TUBB8B: variants seen among roughly 807,000 people sequenced by gnomAD.
TUBB8B encodes the protein HSA18p11 beta-tubulin 4Q pseudogene.
TUBB8B carries 26 observed loss-of-function variants against 31.9 expected under a neutral mutation model. The ratio of observed to expected loss-of-function variants is 0.81; its 90% CI spans 0.60 to 1.13. TUBB8B has a LOEUF of 1.13. TUBB8B is among the 50% of genes most tolerant of loss of function. The probability of loss-of-function intolerance (pLI) is 0.00; values close to 1 mark genes in which losing one functional copy is unlikely to be tolerated. For synonymous variants in TUBB8B, 173 were observed against 231.0 expected (o/e 0.75, Z 2.28); for missense variants, 467 against 586.7 (o/e 0.80, Z 2.11).
the TUBB8B span, among the ~76,000 whole-genome samples, chr18:71,025 A>C: frequency 5.3e-5 from 8 of 152,018 alleles, no homozygotes; most frequent in Admixed American, 5.2e-4. Flanking sequence ...ACGTGTAAGA[A>C]TCACTTGAGC....
At chr18:63,728 C>G in the TUBB8B span, among the ~76,000 whole-genome samples, 1 of 144,524 alleles carries the variant, frequency 6.9e-6, no homozygotes, top group Non-Finnish European at 1.5e-5. Flanking sequence ...ACCCTAACCC[C>G]TAACCCTAAC....
At chr18:51,137 A>G (rs1314120277), upstream of TUBB8B, among the ~76,000 whole-genome samples, 2 of 151,714 alleles carry the variant, frequency 1.3e-5, no homozygotes, top group Non-Finnish European at 2.9e-5. Flanking sequence ...ATCTTGTGCT[A>G]ATAATAGCAT....
Position 47,836 on chromosome 18 carries a change from T to C in TUBB8B, c.889A>G (p.Lys297Glu). ...AELTQQMFDA[K>E]NMMAACDPRH... ...GGGTCACAGGCAGCCATCATGTTCT[T>C]AGCATCAAACATCTGCTGGGTGAGC... The change falls in exon 4 of 4, where the codon AAG becomes GAG. Residue 297 changes from lysine to glutamate, a missense_variant. Physicochemically the swap from Lys to Glu is moderately conservative, Grantham distance 56 (BLOSUM62 1). This residue lies in a region of TUBB8B where 208 missense variants were observed against 206.7 expected (regional missense o/e 1.01). Transcript: ENST00000308911. The C allele has an allele frequency of 1.2e-6, 2 of 1,611,486 alleles. No homozygotes were observed. Among genetic ancestry groups the C allele is most frequent in the Non-Finnish European group, 1.7e-6 (2 of 1,179,570 alleles).
At chr18:71,569 T>TAAA in the TUBB8B span, among the ~76,000 whole-genome samples, 5,754 of 57,428 alleles carry the variant, frequency 0.1, 568 homozygotes, top group East Asian at 0.39. Flanking sequence ...AAAAAAAATT[T>TAAA]AAAAAAAAAA....
chr18:58,840 C>T, the TUBB8B span, among the ~76,000 whole-genome samples: 5 of 151,830 alleles, frequency 3.3e-5, no homozygotes, highest in East Asian at 7.7e-4. Flanking sequence ...GTTTAAGTGG[C>T]TCATGATTCT....
the TUBB8B span, among the ~76,000 whole-genome samples, chr18:71,244 AATC>A: frequency 6.6e-6 from 1 of 151,254 alleles, no homozygotes. Flanking sequence ...AAAAAAAAAA[AATC>A]AATCAATAAA....
At position 48,045 on chromosome 18, in the gene TUBB8B, T is replaced by G; in HGVS notation, c.680A>C (p.His227Pro). The G allele has an allele frequency of 6.2e-7, 1 of 1,613,156 alleles. No homozygotes were observed. Among genetic ancestry groups the G allele is most frequent in the Non-Finnish European group, 8.5e-7 (1 of 1,179,870 alleles). Residue 227 changes from histidine to proline, a missense_variant, in exon 4 of 4, where the codon CAC becomes CCC. By Grantham distance (77) the His-to-Pro change is moderately conservative. Transcript: ENST00000308911. The part of the protein sequence containing the change: ...LPTPTYGDLN[H>P]LVSATMSGVT... ...CCCACTCATGGTAGCAGACACCAGG[T>G]GGTTCAGGTCACCATAGGTGGGTGT...
chr18:49,540 G>A lies in TUBB8B; in HGVS notation c.18C>T (p.Leu6=), dbSNP rs749469775. 6.9e-5 allele frequency: 63 copies of A among 916,262 alleles called. 3 individuals carry two copies. The highest frequency in any genetic ancestry group is 1.7e-6 in the Non-Finnish European group (1 of 591,438). The allele number at this position is 916,262 out of a possible 1,614,324, so 56.8% of individuals were successfully genotyped here. A position where few individuals can be genotyped will look rare whatever the true frequency, so the allele number is the denominator to read the frequency against. ...GGTTCCCGCACTGCCCGGTCTGCGT[G>A]AGCACGATTTCCCTCATGGCCAAGG... MREIV[L]TQTGQCGNQI... Residue 6 remains leucine, a synonymous_variant, in exon 1 of 4, where the codon CTC becomes CTT. Transcript: ENST00000308911.
chr18:54,931 C>A, the TUBB8B span, among the ~76,000 whole-genome samples: 4 of 151,906 alleles, frequency 2.6e-5, no homozygotes, highest in Non-Finnish European at 5.9e-5. Flanking sequence ...TGTGGAGCAC[C>A]TTTTCACTTG....
At chr18:71,590 A>C in the TUBB8B span, among the ~76,000 whole-genome samples, 1 of 145,076 alleles carries the variant, frequency 6.9e-6, no homozygotes, top group Non-Finnish European at 1.5e-5. Flanking sequence ...AAAAAAAAAA[A>C]AAAAAGCAGC....
At chr18:72,478 CTG>C in the TUBB8B span, among the ~76,000 whole-genome samples, 26,552 of 151,628 alleles carry the variant, frequency 0.18, 1,660 homozygotes, top group African/African-American at 0.26. Context: ...AAAAGAAAAA[CTG>C]TTGTTGACGA....
chr18:55,214 C>T, the TUBB8B span, among the ~76,000 whole-genome samples: 1 of 151,738 alleles, frequency 6.6e-6, no homozygotes, highest in Non-Finnish European at 1.5e-5. Context: ...CAATTCTCTG[C>T]CTCAGCCTCT....
Position 49,572 on chromosome 18 carries a change from T to C in TUBB8B, c.-15A>G, listed in dbSNP as rs1905975685. ...ATTTCCCTCATGGCCAAGGCAGGAT[T>C]AGGGCGGCAGCAGAAGCGCGAGAAG... On this transcript the variant is annotated 5_prime_UTR_variant, in exon 1 of 4. Transcript: ENST00000308911. 1.2e-6 allele frequency: 1 copy of C among 813,996 alleles called. No individual in the cohort carries two copies. 50.4% of individuals were successfully genotyped at this position (813,996 alleles called of 1,614,324 possible).
At chr18:48,601 G>A in intron 3 of TUBB8B, 154 bp from the exon 4 acceptor site, 1 of 711,232 alleles carries the variant, frequency 1.4e-6, no homozygotes, top group South Asian at 1.6e-5. Flanking sequence ...CAGAGTTACA[G>A]GACAGCAGCT....
chr18:62,947 T>C, the TUBB8B span, among the ~76,000 whole-genome samples: 1 of 151,900 alleles, frequency 6.6e-6, no homozygotes, highest in Non-Finnish European at 1.5e-5. Context: ...TTCAGTATGA[T>C]AATTGGATTT....
chr18:48,299 C>A lies in TUBB8B; in HGVS notation c.426G>T (p.Gly142=), dbSNP rs764932654. ...GFQLTHSLGG[G]TGSGMGTLLI... ...GAAGGGTACCCATCCCAGACCCAGT[C>A]CCCCCACCCAGGGAGTGGGTCAGCT... The change falls in exon 4 of 4, where the codon GGG becomes GGT. Residue 142 remains glycine (G), a synonymous_variant. Transcript: ENST00000308911. The A allele has an allele frequency of 1.4e-4, 222 of 1,611,342 alleles. No homozygotes were observed. Among genetic ancestry groups the A allele is most frequent in the Non-Finnish European group, 1.3e-4 (151 of 1,178,004 alleles).
the TUBB8B span, among the ~76,000 whole-genome samples, chr18:69,308 A>C: frequency 3.7e-5 from 3 of 80,058 alleles, no homozygotes; most frequent in Admixed American, 2.3e-4. Context: ...ACAAAAAAAA[A>C]CAAAAATTAG....
chr18:47,653 G>A lies in TUBB8B; in HGVS notation c.1072C>T (p.Pro358Ser). 1.2e-6 allele frequency: 2 copies of A among 1,612,550 alleles called. No individual in the cohort carries two copies. Among genetic ancestry groups the A allele is most frequent in the Non-Finnish European group, 1.7e-6 (2 of 1,179,406 alleles). Residue 358 changes from proline to serine, a missense_variant, in exon 4 of 4, where the codon CCC becomes TCC. Physicochemically the swap from Pro to Ser is moderately conservative, Grantham distance 74 (BLOSUM62 -1). Around this residue, in one of 2 missense-constraint regions of TUBB8B, gnomAD observed 208 missense variants for 206.7 expected, o/e 1.01. Transcript: ENST00000308911. ...GTGGCTGACATTTTTAGCCCCCGGG[G>A]TGGGATGTCACAGACGGCTGTTTTT... The part of the protein sequence containing the change: ...NVKTAVCDIP[P>S]RGLKMSATFI...
the TUBB8B span, among the ~76,000 whole-genome samples, chr18:56,090 G>T: frequency 4.6e-5 from 7 of 151,748 alleles, no homozygotes; most frequent in Non-Finnish European, 7.4e-5. Context: ...TACAGAAACT[G>T]TCTTGTTTTT....
Sources: allele counts gnomAD v4.1 joint callset (sites outside exome capture counted in the v4.1 genomes callset), GRCh38; gene constraint gnomAD v4.1.1; regional missense constraint gnomAD v4.1.1; transcripts MANE v1.5; gene names NCBI Gene and HGNC (gene_info 2026-07-23, HGNC 2026-07-21).